TCF12: variants seen among roughly 807,000 people sequenced by gnomAD.
The protein encoded by TCF12 is transcription factor 12, also known as DNA-binding protein HTF4.
A neutral mutation model predicts 86.0 loss-of-function variants in TCF12; 45 were observed. The observed-to-expected ratio is 0.52, with a 90% confidence interval of 0.41 to 0.67. The LOEUF (loss-of-function observed/expected upper bound fraction) is 0.67, where lower values mean the gene tolerates loss of function less well. TCF12 is among the 30% of genes least tolerant of loss of function. The pLI, the probability that TCF12 is intolerant of heterozygous loss-of-function variation, is 0.00. For synonymous variants in TCF12, 330 were observed against 299.6 expected, an observed-to-expected ratio of 1.10 and a Z score of -1.05; for missense variants, 881 against 859.9, an observed-to-expected ratio of 1.02 and a Z score of -0.31.
intron 5 of TCF12, among the ~76,000 whole-genome samples, chr15:57,111,595 T>C (rs1425306231): frequency 6.8e-6 from 1 of 147,614 alleles, no homozygotes; most frequent in East Asian, 2.0e-4. Flanking sequence ...TCTTTTTTTT[T>C]TTTTTTTTTT....
At chr15:57,290,017 ATT>A (rs34358500), downstream of TCF12, among the ~76,000 whole-genome samples, 216 of 142,654 alleles carry the variant, frequency 1.5e-3, 1 homozygote, top group East Asian at 3.1e-3. Flanking sequence ...TTTTAAGAGG[ATT>A]TTTTTTTTTT....
At chr15:57,076,303 T>G (rs1333896972) in intron 4 of TCF12, among the ~76,000 whole-genome samples, 1 of 152,312 alleles carries the variant, frequency 6.6e-6, no homozygotes, top group Non-Finnish European at 1.5e-5. Flanking sequence ...TTAAATAGAC[T>G]TTTTTATTAT....
chr15:57,251,600 T>G (rs2060121140), intron 14 of TCF12, among the ~76,000 whole-genome samples, 177 bp downstream of exon 14: 1 of 152,254 alleles, frequency 6.6e-6, no homozygotes, highest in East Asian at 1.9e-4. Context: ...TGCCATCTGT[T>G]CTTTGGGACA....
intron 11 of TCF12, among the ~76,000 whole-genome samples, chr15:57,233,138 ATATATATGTG>A: frequency 6.7e-6 from 1 of 149,450 alleles, no homozygotes; most frequent in Admixed American, 6.7e-5. Context: ...GTATATATGT[ATATATATGTG>A]TATATATGTG....
chr15:57,024,561 T>C (rs1194588269), intron 3 of TCF12, among the ~76,000 whole-genome samples: 1 of 152,110 alleles, frequency 6.6e-6, no homozygotes, highest in Non-Finnish European at 1.5e-5. Flanking sequence ...AAAAATAAGA[T>C]ACAAGAGAGT....
chr15:57,112,873 A>G (rs999963910), intron 5 of TCF12, among the ~76,000 whole-genome samples: 1 of 152,260 alleles, frequency 6.6e-6, no homozygotes, highest in Non-Finnish European at 1.5e-5. Context: ...ATATTAAGCT[A>G]TAGTAATATA....
At chr15:57,212,231 T>A (rs1242721541) in intron 8 of TCF12, among the ~76,000 whole-genome samples, 2 of 152,196 alleles carry the variant, frequency 1.3e-5, no homozygotes, top group Non-Finnish European at 2.9e-5. Flanking sequence ...AATCTGAAGT[T>A]CTGAACTGCA....
At chr15:57,073,213 A>T (rs1415436086) in intron 4 of TCF12, among the ~76,000 whole-genome samples, 1 of 152,182 alleles carries the variant, frequency 6.6e-6, no homozygotes, top group Non-Finnish European at 1.5e-5. Context: ...GACTGATCTA[A>T]TCTTTATAGT....
intron 5 of TCF12, among the ~76,000 whole-genome samples, chr15:57,098,138 T>C (rs185131613): frequency 2.0e-5 from 3 of 151,898 alleles, no homozygotes; most frequent in Admixed American, 6.6e-5. Context: ...TGAGCCCAGA[T>C]TGCGCCACTG....
intron 3 of TCF12, among the ~76,000 whole-genome samples, chr15:56,989,972 G>A (rs912860134): frequency 6.6e-6 from 1 of 152,092 alleles, no homozygotes; most frequent in Non-Finnish European, 1.5e-5. Context: ...TAGATTATAT[G>A]TCTGTGTAAA....
intron 3 of TCF12, among the ~76,000 whole-genome samples, chr15:56,947,659 A>G (rs1432087140): frequency 6.6e-6 from 1 of 152,212 alleles, no homozygotes; most frequent in East Asian, 1.9e-4. Context: ...TGTTTGCAGT[A>G]GAAGGTTTAT....
chr15:57,050,686 A>G (rs563825554), intron 3 of TCF12, among the ~76,000 whole-genome samples: 3 of 152,200 alleles, frequency 2.0e-5, no homozygotes, highest in Non-Finnish European at 2.9e-5. Context: ...TCTAACAGGT[A>G]GCTGAAACTA....
At position 57,216,838 on chromosome 15, in the gene TCF12, G is replaced by A. The variant is rs1393513962; in HGVS notation, c.580-14314G>A. Among the ~76,000 whole-genome samples, 3 of 152,064 alleles carry A rather than the reference G, an allele frequency of 2.0e-5. No individual in the cohort carries two copies. The East Asian group carries it at 5.8e-4, about 29-fold the overall frequency. ...GGGTAAGGCAGACTTCAAGAAAAAT[G>A]CTGTTTTGGAGCGACAAACTTAAAA... On this transcript the variant is annotated intron_variant, in intron 8 of 20. Coordinates refer to ENST00000333725, the MANE Select transcript of TCF12 (RefSeq NM_207037.2).
intron 8 of TCF12, among the ~76,000 whole-genome samples, chr15:57,209,494 T>C (rs966974411): frequency 7.9e-5 from 12 of 152,356 alleles, no homozygotes; most frequent in Non-Finnish European, 1.8e-4. Context: ...TACGGTTTCA[T>C]TGACATAAAT....
chr15:57,011,109 T>A (rs1182583840), intron 3 of TCF12, among the ~76,000 whole-genome samples: 3 of 152,256 alleles, frequency 2.0e-5, no homozygotes, highest in Non-Finnish European at 2.9e-5. Context: ...AATCATTTTT[T>A]AAAAAAATTA....
At chr15:57,185,307 C>G (rs1389237606) in intron 6 of TCF12, among the ~76,000 whole-genome samples, 1 of 152,114 alleles carries the variant, frequency 6.6e-6, no homozygotes, top group African/African-American at 2.4e-5. Flanking sequence ...GTTGAATAAG[C>G]TTTAAAGAAA....
At chr15:57,209,223 A>G (rs1396730498) in intron 8 of TCF12, among the ~76,000 whole-genome samples, 2 of 152,170 alleles carry the variant, frequency 1.3e-5, no homozygotes, top group Non-Finnish European at 2.9e-5. Flanking sequence ...TCAATATGTT[A>G]ACTGGCCTTC....
intron 5 of TCF12, among the ~76,000 whole-genome samples, chr15:57,121,035 T>A: frequency 6.6e-6 from 1 of 152,232 alleles, no homozygotes; most frequent in East Asian, 1.9e-4. Flanking sequence ...GCAAATGAGC[T>A]GATACTGAAA....
intron 3 of TCF12, among the ~76,000 whole-genome samples, chr15:56,997,791 A>G (rs1473337729): frequency 1.3e-5 from 2 of 152,224 alleles, no homozygotes; most frequent in African/African-American, 4.8e-5. Context: ...GAGTCCATAG[A>G]AAAAACCCAC....
Sources: allele counts gnomAD v4.1 joint callset (sites outside exome capture counted in the v4.1 genomes callset), GRCh38; gene constraint gnomAD v4.1.1; transcripts MANE v1.5; gene names NCBI Gene and HGNC (gene_info 2026-07-23, HGNC 2026-07-21).